CDH13: variants seen among roughly 807,000 people sequenced by gnomAD.
CDH13 encodes cadherin 13.
Under a neutral mutation model 63.8 loss-of-function variants are expected in CDH13, and 24 were observed. The observed-to-expected ratio is 0.38, with a 90% confidence interval of 0.27 to 0.53. The LOEUF (loss-of-function observed/expected upper bound fraction) is 0.53. Ranked by LOEUF, CDH13 falls within the 20% of genes least tolerant of loss-of-function variation. The pLI, the probability that CDH13 is intolerant of heterozygous loss-of-function variation, is 0.85. For synonymous variants in CDH13, 503 were observed against 355.3 expected (o/e 1.42, Z -4.67); for missense variants, 1,049 against 903.1 (o/e 1.16, Z -2.07).
At chr16:83,730,421 T>C (rs772359959) in intron 10 of CDH13, among the ~76,000 whole-genome samples, 1 of 152,224 alleles carries the variant, frequency 6.6e-6, no homozygotes, top group Non-Finnish European at 1.5e-5. Context: ...TCAAAGAATA[T>C]GTACAGTTCC....
At chr16:82,722,832 GC>G (rs1424938808) in intron 1 of CDH13, among the ~76,000 whole-genome samples, 84 of 152,250 alleles carry the variant, frequency 5.5e-4, no homozygotes, top group African/African-American at 1.9e-3. Flanking sequence ...TTTCACGTGA[GC>G]CCACCTGTGA....
intron 2 of CDH13, among the ~76,000 whole-genome samples, chr16:82,959,007 A>C (rs1906549330): frequency 6.6e-6 from 1 of 152,234 alleles, no homozygotes; most frequent in Admixed American, 6.5e-5. Context: ...GTGTTGCTGA[A>C]ATCTACATCA....
intron 6 of CDH13, among the ~76,000 whole-genome samples, chr16:83,379,255 C>A (rs1457071151): frequency 6.6e-6 from 1 of 152,150 alleles, no homozygotes; most frequent in Non-Finnish European, 1.5e-5. Context: ...CTACCTCTCC[C>A]TCAAGTGTCA....
At chr16:83,344,557 C>A (rs762278158) in intron 5 of CDH13, among the ~76,000 whole-genome samples, 18 of 152,300 alleles carry the variant, frequency 1.2e-4, no homozygotes, top group Non-Finnish European at 1.8e-4. Context: ...ATGATACAAG[C>A]GTAATTTCTT....
chr16:83,467,361 A>T (rs934687940), intron 6 of CDH13, among the ~76,000 whole-genome samples: 104 of 152,296 alleles, frequency 6.8e-4, no homozygotes, highest in Non-Finnish European at 1.1e-3. Flanking sequence ...CAGCAAGCCC[A>T]TGAAAGAGCT....
chr16:83,447,942 G>T lies in CDH13; in HGVS notation c.782-38535G>T, dbSNP rs535514254. ...AGTTGCCCCACCTCTCTGGTCCCCA[G>T]TCTCCTCTGTTACAGGGAAAAAGAT... On this transcript the variant is annotated intron_variant, in intron 6 of 13. Transcript: ENST00000567109. Among the ~76,000 whole-genome samples the T allele has an allele frequency of 1.2e-3, 188 of 152,060 alleles. 1 individual carries two copies. Among genetic ancestry groups the T allele is most frequent in the African/African-American group, 4.3e-3 (179 of 41,506 alleles).
Position 83,125,370 on chromosome 16 carries a change from T to A in CDH13, c.367-15T>A, listed in dbSNP as rs1262199328. On this transcript the variant is annotated splice_polypyrimidine_tract_variant and intron_variant, in intron 3 of 13. Transcript: ENST00000567109. ...AATGGGAGATTTTAATCAATCCTTT[T>A]GTTTTCCCTTTTAGGATATATTTAA... 2 of 1,341,478 alleles carry A rather than the reference T, an allele frequency of 1.5e-6. No individual in the cohort carries two copies. The highest frequency in any genetic ancestry group is 2.1e-6 in the Non-Finnish European group (2 of 933,782). 83.1% of individuals were successfully genotyped at this position (1,341,478 alleles called of 1,614,324 possible). A position where few individuals can be genotyped will look rare whatever the true frequency, so the allele number is the denominator to read the frequency against.
At chr16:83,707,836 CAAAAAA>C (rs61067563) in intron 10 of CDH13, among the ~76,000 whole-genome samples, 1,060 of 78,866 alleles carry the variant, frequency 0.013, 29 homozygotes, top group African/African-American at 0.033. Flanking sequence ...ACCCTAAAGG[CAAAAAA>C]AAAAAAAAAA....
At chr16:82,757,562 T>G (rs978454898) in intron 1 of CDH13, among the ~76,000 whole-genome samples, 2 of 152,210 alleles carry the variant, frequency 1.3e-5, no homozygotes, top group African/African-American at 4.8e-5. Flanking sequence ...AAGCTCAATT[T>G]TAGGTAACTG....
At chr16:83,692,227 C>T (rs1232444300) in intron 10 of CDH13, among the ~76,000 whole-genome samples, 1 of 152,210 alleles carries the variant, frequency 6.6e-6, no homozygotes, top group Non-Finnish European at 1.5e-5. Context: ...GGATTTATGA[C>T]AGCTTTCATT....
intron 4 of CDH13, among the ~76,000 whole-genome samples, chr16:83,149,371 C>T (rs1157862522): frequency 2.6e-5 from 4 of 152,076 alleles, no homozygotes; most frequent in South Asian, 2.1e-4. Context: ...TCTCATGAGG[C>T]GATGTTAACT....
At chr16:83,127,820 C>T (rs774457290) in intron 4 of CDH13, among the ~76,000 whole-genome samples, 1 of 152,202 alleles carries the variant, frequency 6.6e-6, no homozygotes, top group Non-Finnish European at 1.5e-5. Flanking sequence ...TCATTTTAAA[C>T]TCCCACTGTG....
intron 5 of CDH13, among the ~76,000 whole-genome samples, chr16:83,275,032 A>G (rs1158741327): frequency 6.6e-6 from 1 of 152,144 alleles, no homozygotes; most frequent in East Asian, 1.9e-4. Context: ...ATTTTTATCC[A>G]GAGAACTTGT....
chr16:82,867,585 T>G (rs536086800), intron 2 of CDH13, among the ~76,000 whole-genome samples: 4 of 152,188 alleles, frequency 2.6e-5, no homozygotes, highest in Non-Finnish European at 5.9e-5. Flanking sequence ...AGGTCCTCCA[T>G]GGAGTGTGTG....
At chr16:83,289,582 G>T (rs1410887836) in intron 5 of CDH13, among the ~76,000 whole-genome samples, 1 of 152,088 alleles carries the variant, frequency 6.6e-6, no homozygotes, top group Non-Finnish European at 1.5e-5. Context: ...AAACATACAG[G>T]ATTCAGCATA....
Position 82,978,087 on chromosome 16 carries a change from T to A in CDH13, c.158-53923T>A, listed in dbSNP as rs150830721. Among the ~76,000 whole-genome samples the A allele has an allele frequency of 1.7e-3, 258 of 152,244 alleles. 1 individual carries two copies. Among genetic ancestry groups the A allele is most frequent in the African/African-American group, 6.0e-3 (250 of 41,558 alleles). On this transcript the variant is annotated intron_variant, in intron 2 of 13. Coordinates refer to ENST00000567109, the MANE Select transcript of CDH13 (RefSeq NM_001257.5). ...CCTGCCCTAGAGATCTCTGGCACTT[T>A]GAACTGGAGAGAGATGATTTAGGGT...
At chr16:82,752,683 G>C (rs4395068) in intron 1 of CDH13, among the ~76,000 whole-genome samples, 3,324 of 152,294 alleles carry the variant, frequency 0.022, 120 homozygotes, top group African/African-American at 0.076. Context: ...TGAGCCAGTC[G>C]TTCCAAAGGG....
intron 10 of CDH13, chr16:83,717,865 G>C (rs1436581845): frequency 6.6e-6 from 1 of 152,194 alleles, no homozygotes; most frequent in Non-Finnish European, 1.5e-5. Context: ...ACCCCATTCA[G>C]TTCCTACTGT....
At chr16:82,828,131 A>G (rs752099842) in intron 1 of CDH13, among the ~76,000 whole-genome samples, 8 of 152,158 alleles carry the variant, frequency 5.3e-5, no homozygotes, top group Non-Finnish European at 8.8e-5. Context: ...ACAGCTTTCT[A>G]TGAGATCAAG....
Sources: allele counts gnomAD v4.1 joint callset (sites outside exome capture counted in the v4.1 genomes callset), GRCh38; gene constraint gnomAD v4.1.1; transcripts MANE v1.5; gene names NCBI Gene and HGNC (gene_info 2026-07-23, HGNC 2026-07-21).